The following TMEM14A variants were observed in gnomAD, a reference collection of about 807,000 sequenced individuals.
The protein encoded by TMEM14A is transmembrane protein 14A.
In TMEM14A, 8 loss-of-function variants were observed where a neutral mutation model predicts 11.6. The observed-to-expected ratio is 0.69, with a 90% confidence interval of 0.40 to 1.24. TMEM14A has a LOEUF of 1.24. Among genes scored for constraint, TMEM14A ranks in the 50% most tolerant of loss-of-function variants. TMEM14A has a pLI of 0.01. For missense variants in TMEM14A, 108 were observed against 121.9 expected (o/e 0.89, Z 0.54); for synonymous variants, 34 against 45.5 (o/e 0.75, Z 1.02).
chr6:52,677,110 T>G lies in TMEM14A; in HGVS notation c.8T>G (p.Leu3Arg). 2 of 1,614,220 alleles carry G rather than the reference T, an allele frequency of 1.2e-6. No homozygotes were observed. Among genetic ancestry groups the G allele is most frequent in the Non-Finnish European group, 1.7e-6 (2 of 1,180,032 alleles). Reference sequence around the variant, plus strand: ...AGAATTGCAACCTTGCCAATGGACCTGATCGGTTTTGGTTATGCAGCCCTC... The same window carrying G: ...AGAATTGCAACCTTGCCAATGGACCGGATCGGTTTTGGTTATGCAGCCCTC... MD[L>R]IGFGYAALVT... Residue 3 changes from leucine to arginine, a missense_variant, in exon 2 of 5, where the codon CTG becomes CGG. Leu to Arg is a moderately radical substitution (Grantham distance 102, BLOSUM62 -2). Transcript: ENST00000211314.
chr6:52,681,955 T>C (rs1047623279), intron 3 of TMEM14A, 41 bp downstream of exon 3: 9 of 1,547,088 alleles, frequency 5.8e-6, no homozygotes, highest in Admixed American at 5.1e-5. Flanking sequence ...ACTCAAACAT[T>C]GGAGGTGATC....
In TMEM14A at chr6:52,677,187, A is replaced by G. The variant is rs752163169; in HGVS notation, c.70+15A>G. The G allele has an allele frequency of 6.8e-6, 11 of 1,613,686 alleles. No individual in the cohort carries two copies. In the East Asian group the frequency reaches 1.6e-4, roughly 23 times the overall value. ...TAAGCGGAGAGGTAAGCCTAACCCA[A>G]ATTTTCATGAAAGGGAATTAGTGGG... On this transcript the variant is annotated intron_variant, in intron 2 of 4. Transcript: ENST00000211314.
intron 3 of TMEM14A, among the ~76,000 whole-genome samples, chr6:52,682,151 T>C (rs1022073307): frequency 2.6e-5 from 4 of 152,172 alleles, no homozygotes; most frequent in Non-Finnish European, 4.4e-5. Context: ...ACTAGAAAAA[T>C]TGAATTAGGA....
intron 2 of TMEM14A, among the ~76,000 whole-genome samples, chr6:52,680,704 T>TATATACATATATGTATATATATATAC (rs371102796): frequency 3.9e-5 from 2 of 51,102 alleles, no homozygotes; most frequent in Non-Finnish European, 8.8e-5. Context: ...TATATATATA[T>TATATACATATATGTATATATATATAC]ACACATATAT....
intron 1 of TMEM14A, among the ~76,000 whole-genome samples, chr6:52,673,112 C>G (rs1299057525): frequency 2.0e-5 from 3 of 152,194 alleles, no homozygotes; most frequent in Non-Finnish European, 2.9e-5. Context: ...CTTCCCTGCA[C>G]CCTCTTCACT....
At chr6:52,683,967 C>A in intron 3 of TMEM14A, 111 bp from the exon 4 acceptor site, 2 of 986,978 alleles carry the variant, frequency 2.0e-6, no homozygotes, top group South Asian at 1.6e-5. Context: ...CAACTCAGTA[C>A]CTATCCATAA....
chr6:52,680,704 T>TATATATATACACACACAC, intron 2 of TMEM14A, among the ~76,000 whole-genome samples: 1 of 51,108 alleles, frequency 2.0e-5, no homozygotes, highest in Admixed American at 2.1e-4. Flanking sequence ...TATATATATA[T>TATATATATACACACACAC]ACACATATAT....
intron 2 of TMEM14A, among the ~76,000 whole-genome samples, chr6:52,681,335 A>G (rs1769388536): frequency 6.6e-6 from 1 of 152,066 alleles, no homozygotes; most frequent in South Asian, 2.1e-4. Context: ...AGGTTTGTTA[A>G]TTATTCAGGA....
At chr6:52,675,793 A>G (rs544537364) in intron 1 of TMEM14A, among the ~76,000 whole-genome samples, 10 of 152,388 alleles carry the variant, frequency 6.6e-5, no homozygotes, top group African/African-American at 2.4e-4. Context: ...TCTGTAAAGA[A>G]TGAGAGGACT....
At chr6:52,683,479 A>G (rs1769430033) in intron 3 of TMEM14A, among the ~76,000 whole-genome samples, 2 of 111,220 alleles carry the variant, frequency 1.8e-5, no homozygotes, top group Admixed American at 2.1e-4. Flanking sequence ...AACAACAACA[A>G]CAACAAAAAA....
In TMEM14A at chr6:52,675,724, GA is replaced by G. The variant is rs554181096; in HGVS notation, c.-16-1360del. Among the ~76,000 whole-genome samples, 151 of 152,222 alleles carry G rather than the reference GA, an allele frequency of 9.9e-4. 2 individuals carry two copies. The highest frequency in any genetic ancestry group is 9.7e-4 in the Non-Finnish European group (66 of 68,034). On this transcript the variant is annotated intron_variant, in intron 1 of 4. Transcript: ENST00000211314. The stretch of plus-strand genomic sequence containing the variant: ...TACCACAGAAGAGCTATCTTGCAAG[GA>G]AACTAATGACAAAGCCATTGTTTAA...
At chr6:52,671,543 C>T (rs1248860381) in intron 1 of TMEM14A, among the ~76,000 whole-genome samples, 1 of 152,080 alleles carries the variant, frequency 6.6e-6, no homozygotes, top group Non-Finnish European at 1.5e-5. Context: ...TTGCAAAATG[C>T]TTGGCAGGAT....
chr6:52,681,749 A>T, intron 2 of TMEM14A, 64 bp from the exon 3 acceptor site: 2 of 1,395,032 alleles, frequency 1.4e-6, no homozygotes, highest in Non-Finnish European at 2.0e-6. Flanking sequence ...TACTAGAAGT[A>T]ATGGAATGAA....
chr6:52,686,542 C>G lies in TMEM14A; in HGVS notation c.*493C>G. The G allele has an allele frequency of 5.3e-6, 2 of 378,306 alleles. No individual in the cohort carries two copies. Among genetic ancestry groups the G allele is most frequent in the South Asian group, 2.6e-4 (2 of 7,644 alleles). 23.4% of individuals were successfully genotyped at this position (378,306 alleles called of 1,614,324 possible). A position where few individuals can be genotyped will look rare whatever the true frequency, so the allele number is the denominator to read the frequency against. On this transcript the variant is annotated 3_prime_UTR_variant, in exon 5 of 5. Coordinates refer to ENST00000211314, the MANE Select transcript of TMEM14A (RefSeq NM_014051.4). Reference sequence around the variant, plus strand: ...TTTATTCTTAGCACACTGTTATGTCCTAACTGAATGTATTCAGTATTCAAA... The same window carrying G: ...TTTATTCTTAGCACACTGTTATGTCGTAACTGAATGTATTCAGTATTCAAA...
chr6:52,680,585 T>A (rs868849216), intron 2 of TMEM14A, among the ~76,000 whole-genome samples: 341 of 33,044 alleles, frequency 0.01, 1 homozygote, highest in Non-Finnish European at 0.02. Context: ...CACTATATAT[T>A]TATATATTTA....
intron 2 of TMEM14A, among the ~76,000 whole-genome samples, chr6:52,680,765 G>T (rs903701022): frequency 1.6e-5 from 2 of 128,982 alleles, no homozygotes; most frequent in African/African-American, 3.0e-5. Context: ...ACTTAGAGAG[G>T]CTAAGTGACT....
intron 1 of TMEM14A, among the ~76,000 whole-genome samples, chr6:52,673,980 G>A (rs1426458916): frequency 6.6e-6 from 1 of 152,174 alleles, no homozygotes; most frequent in Non-Finnish European, 1.5e-5. Context: ...AATATTTGTT[G>A]AGTGCTCAGT....
At chr6:52,672,943 G>A (rs1050110222) in intron 1 of TMEM14A, among the ~76,000 whole-genome samples, 4 of 152,164 alleles carry the variant, frequency 2.6e-5, no homozygotes, top group South Asian at 2.1e-4. Flanking sequence ...CCCTTAGGAC[G>A]GAACCAGACT....
chr6:52,677,526 T>C (rs1769281344), intron 2 of TMEM14A, among the ~76,000 whole-genome samples: 1 of 152,080 alleles, frequency 6.6e-6, no homozygotes, highest in Non-Finnish European at 1.5e-5. Context: ...CTGAGTTATA[T>C]TGATCCTGTG....
Sources: allele counts gnomAD v4.1 joint callset (sites outside exome capture counted in the v4.1 genomes callset), GRCh38; gene constraint gnomAD v4.1.1; transcripts MANE v1.5; gene names NCBI Gene and HGNC (gene_info 2026-07-23, HGNC 2026-07-21).